INPP4B: variants seen among roughly 807,000 people sequenced by gnomAD.
INPP4B encodes the protein inositol polyphosphate-4-phosphatase type II B.
INPP4B carries 55 observed loss-of-function variants against 122.5 expected under a neutral mutation model. The ratio of observed to expected loss-of-function variants is 0.45; its 90% CI spans 0.36 to 0.56. The LOEUF (loss-of-function observed/expected upper bound fraction) is 0.56, where lower values mean the gene tolerates loss of function less well. INPP4B is among the 20% of genes least tolerant of loss of function. The probability of loss-of-function intolerance (pLI) is 0.00; values close to 1 mark genes in which losing one functional copy is unlikely to be tolerated. For missense variants in INPP4B, 1,000 were observed against 1,097.7 expected (o/e 0.91, Z 1.26); for synonymous variants, 403 against 388.7 (o/e 1.04, Z -0.43).
chr4:142,679,832 T>C lies in INPP4B; in HGVS notation c.-191+46007A>G, dbSNP rs1238156598. 4.0e-5 allele frequency among the ~76,000 whole-genome samples: 6 copies of C among 151,750 alleles called. No individual in the cohort carries two copies. The East Asian group carries it at 1.2e-3, about 30-fold the overall frequency. ...CATCATTTACCAAGAGAGAATTATC[T>C]CTCAGTCAGGCAAGTGGGCATTAAT... On this transcript the variant is annotated intron_variant, in intron 2 of 25. Transcript: ENST00000262992.
At chr4:142,342,678 G>A (rs898151281) in intron 7 of INPP4B, among the ~76,000 whole-genome samples, 1 of 152,090 alleles carries the variant, frequency 6.6e-6, no homozygotes, top group Non-Finnish European at 1.5e-5. Context: ...CAGAATGCAA[G>A]CATTTTCATA....
chr4:142,811,860 G>A (rs369022464), intron 1 of INPP4B, among the ~76,000 whole-genome samples: 18 of 152,074 alleles, frequency 1.2e-4, no homozygotes, highest in African/African-American at 1.9e-4. Context: ...AAAGAAAAGC[G>A]CGCTGCTAGC....
intron 9 of INPP4B, among the ~76,000 whole-genome samples, chr4:142,285,359 G>A (rs780471870): frequency 3.8e-4 from 38 of 98,902 alleles, no homozygotes; most frequent in Non-Finnish European, 6.2e-4. Flanking sequence ...AAGGGGAGGT[G>A]ACATCTCTAG....
At chr4:142,396,819 G>A (rs1334540767) in intron 7 of INPP4B, among the ~76,000 whole-genome samples, 4 of 151,968 alleles carry the variant, frequency 2.6e-5, no homozygotes, top group Non-Finnish European at 5.9e-5. Context: ...CTAAAAACAC[G>A]TTGAAGAAAA....
At chr4:142,645,154 C>G (rs1201687012) in intron 2 of INPP4B, among the ~76,000 whole-genome samples, 1 of 151,882 alleles carries the variant, frequency 6.6e-6, no homozygotes, top group South Asian at 2.1e-4. Context: ...TTAAACAATA[C>G]AAAAAGTAAG....
At chr4:142,785,984 C>T (rs1775711414) in intron 1 of INPP4B, among the ~76,000 whole-genome samples, 1 of 152,114 alleles carries the variant, frequency 6.6e-6, no homozygotes, top group African/African-American at 2.4e-5. Context: ...AACTTTTCAT[C>T]TGAAATCATA....
chr4:142,078,886 A>T (rs1379470081), intron 25 of INPP4B, among the ~76,000 whole-genome samples: 1 of 152,046 alleles, frequency 6.6e-6, no homozygotes, highest in Non-Finnish European at 1.5e-5. Context: ...ACTGCAACTG[A>T]TGTTAAATAA....
chr4:142,632,850 A>G (rs2150431856), intron 2 of INPP4B, among the ~76,000 whole-genome samples: 1 of 151,996 alleles, frequency 6.6e-6, no homozygotes, highest in South Asian at 2.1e-4. Flanking sequence ...TCAACTTGAT[A>G]AAAAATAATA....
At chr4:142,348,600 A>G (rs1461437283) in intron 7 of INPP4B, among the ~76,000 whole-genome samples, 1 of 151,986 alleles carries the variant, frequency 6.6e-6, no homozygotes, top group Non-Finnish European at 1.5e-5. Context: ...AATCCAGCCT[A>G]TAAGGAAATA....
intron 7 of INPP4B, among the ~76,000 whole-genome samples, chr4:142,389,647 TG>T (rs1797066188): frequency 6.6e-6 from 1 of 152,200 alleles, no homozygotes; most frequent in Admixed American, 6.5e-5. Flanking sequence ...TGGGGACATG[TG>T]GAGAGCCACA....
chr4:142,485,305 C>T (rs566123976), intron 2 of INPP4B, among the ~76,000 whole-genome samples: 2 of 152,168 alleles, frequency 1.3e-5, no homozygotes, highest in South Asian at 4.1e-4. Context: ...GACCAACCAA[C>T]CAACCTTAAG....
intron 12 of INPP4B, among the ~76,000 whole-genome samples, chr4:142,224,687 G>C (rs906151442): frequency 6.6e-5 from 10 of 152,064 alleles, no homozygotes; most frequent in Non-Finnish European, 8.8e-5. Flanking sequence ...TTAGGATATA[G>C]ATACATACAT....
At chr4:142,287,586 T>A (rs891257013) in intron 9 of INPP4B, 1 of 152,174 alleles carries the variant, frequency 6.6e-6, no homozygotes, top group Non-Finnish European at 1.5e-5. Flanking sequence ...TGGTATCTCT[T>A]GAAGCAGGCG....
At chr4:142,275,443 A>C (rs923685132) in intron 9 of INPP4B, among the ~76,000 whole-genome samples, 20 of 151,920 alleles carry the variant, frequency 1.3e-4, no homozygotes, top group African/African-American at 4.3e-4. Flanking sequence ...TTCAGCTAGG[A>C]GACATGCCCT....
intron 1 of INPP4B, among the ~76,000 whole-genome samples, chr4:142,752,566 T>A (rs1769892665): frequency 1.3e-5 from 2 of 152,092 alleles, no homozygotes; most frequent in South Asian, 4.1e-4. Context: ...ACTGTTTGAT[T>A]TTAAGCAACC....
At chr4:142,556,802 T>A (rs1729288956) in intron 2 of INPP4B, among the ~76,000 whole-genome samples, 1 of 152,180 alleles carries the variant, frequency 6.6e-6, no homozygotes, top group Non-Finnish European at 1.5e-5. Flanking sequence ...GATAGGGGCC[T>A]AAAAGAAGCA....
chr4:142,213,006 G>A (rs1221453541), intron 12 of INPP4B, among the ~76,000 whole-genome samples: 1 of 152,144 alleles, frequency 6.6e-6, no homozygotes, highest in Non-Finnish European at 1.5e-5. Flanking sequence ...CAGGCCTATG[G>A]CTGTTGTGTG....
intron 1 of INPP4B, among the ~76,000 whole-genome samples, chr4:142,744,543 G>A (rs572905590): frequency 1.3e-5 from 2 of 151,782 alleles, no homozygotes; most frequent in East Asian, 3.9e-4. Flanking sequence ...AGAGGAAAAG[G>A]AACATTACTA....
chr4:142,263,519 C>A (rs988919872), intron 10 of INPP4B, among the ~76,000 whole-genome samples: 1 of 150,702 alleles, frequency 6.6e-6, no homozygotes, highest in Non-Finnish European at 1.5e-5. Flanking sequence ...TCATTTATTT[C>A]TGACTTAGAC....
Sources: allele counts gnomAD v4.1 joint callset (sites outside exome capture counted in the v4.1 genomes callset), GRCh38; gene constraint gnomAD v4.1.1; transcripts MANE v1.5; gene names NCBI Gene and HGNC (gene_info 2026-07-23, HGNC 2026-07-21).